The following VRK3 variants were observed in gnomAD, a reference collection of about 807,000 sequenced individuals.
The protein encoded by VRK3 is serine/threonine-protein kinase VRK3.
VRK3 carries 50 observed loss-of-function variants against 60.4 expected under a neutral mutation model. That is an observed-to-expected ratio of 0.83 (90% confidence interval 0.66 to 1.05). VRK3 has a LOEUF of 1.05. Ranked by LOEUF, VRK3 falls within the 50% of genes least tolerant of loss-of-function variation. The pLI is 0.00. For synonymous variants in VRK3, 246 were observed against 227.8 expected (o/e 1.08, Z -0.72); for missense variants, 549 against 585.3 (o/e 0.94, Z 0.64).
At chr19:50,018,861 G>C (rs936457338) in intron 2 of VRK3, among the ~76,000 whole-genome samples, 11 of 151,888 alleles carry the variant, frequency 7.2e-5, no homozygotes, top group Non-Finnish European at 1.3e-4. Flanking sequence ...TATGTACCCA[G>C]GTAAATTAAA....
intron 11 of VRK3, among the ~76,000 whole-genome samples, chr19:49,988,948 C>T (rs562602350): frequency 6.6e-6 from 1 of 152,088 alleles, no homozygotes; most frequent in Non-Finnish European, 1.5e-5. Context: ...TGGGGGAGGG[C>T]GGGGGAGACT....
At chr19:50,014,985 T>G (rs553319304) in intron 3 of VRK3, among the ~76,000 whole-genome samples, 1 of 152,004 alleles carries the variant, frequency 6.6e-6, no homozygotes, top group Non-Finnish European at 1.5e-5. Context: ...CTGCACTGAT[T>G]GTAAAGAGGG....
chr19:49,992,463 C>A (rs1003581242), intron 10 of VRK3, among the ~76,000 whole-genome samples: 15 of 152,236 alleles, frequency 9.9e-5, no homozygotes, highest in African/African-American at 3.4e-4. Flanking sequence ...TATTGCCTTC[C>A]AAAAGGGTTT....
chr19:50,023,981 G>A (rs1437006002), intron 1 of VRK3, among the ~76,000 whole-genome samples: 5 of 152,224 alleles, frequency 3.3e-5, no homozygotes, highest in Non-Finnish European at 7.3e-5. Context: ...TGTCACCCAG[G>A]TTGGAGAGCA....
At chr19:50,016,186 A>G in intron 2 of VRK3, 23 bp from the exon 3 acceptor site, 1 of 1,612,790 alleles carries the variant, frequency 6.2e-7, no homozygotes, top group East Asian at 2.2e-5. Flanking sequence ...ATGAACAAAC[A>G]CAAAGTGAAA....
At chr19:50,001,897 G>C (rs2076813338) in intron 5 of VRK3, among the ~76,000 whole-genome samples, 1 of 152,064 alleles carries the variant, frequency 6.6e-6, no homozygotes, top group Non-Finnish European at 1.5e-5. Flanking sequence ...GCAGGAGTAA[G>C]AGCAGCACCA....
chr19:49,978,085 A>C (rs2076361213), intron 14 of VRK3, among the ~76,000 whole-genome samples: 1 of 152,212 alleles, frequency 6.6e-6, no homozygotes. Flanking sequence ...AGGATCTCAC[A>C]ATCGTGGTGC....
intron 12 of VRK3, 80 bp downstream of exon 12, chr19:49,988,292 C>T (rs1321646157): frequency 1.2e-5 from 19 of 1,542,272 alleles, no homozygotes; most frequent in Non-Finnish European, 1.6e-5. Flanking sequence ...CCTCCTGCTC[C>T]CAGTTGGGCT....
chr19:49,989,313 A>C (rs2076570558), intron 11 of VRK3, among the ~76,000 whole-genome samples: 1 of 152,128 alleles, frequency 6.6e-6, no homozygotes, highest in Non-Finnish European at 1.5e-5. Context: ...CCCACACTCC[A>C]GATGTGGTGG....
At chr19:50,010,523 C>T (rs1011672635) in intron 3 of VRK3, among the ~76,000 whole-genome samples, 6 of 152,248 alleles carry the variant, frequency 3.9e-5, no homozygotes, top group Non-Finnish European at 7.3e-5. Flanking sequence ...CATCTCACCA[C>T]TTTAAGTTAA....
At chr19:49,980,865 A>G (rs1056762629) in intron 13 of VRK3, 90 bp downstream of exon 13, 13 of 1,122,030 alleles carry the variant, frequency 1.2e-5, no homozygotes, top group African/African-American at 1.6e-5. Flanking sequence ...AAAAAAATGA[A>G]GAGGTGTAAG....
intron 2 of VRK3, among the ~76,000 whole-genome samples, chr19:50,017,733 T>C (rs1170883255): frequency 2.0e-5 from 3 of 152,162 alleles, no homozygotes; most frequent in Non-Finnish European, 4.4e-5. Context: ...TGCAGTGGCA[T>C]AATCATGGCT....
At chr19:50,003,923 C>T (rs1025141564) in intron 5 of VRK3, among the ~76,000 whole-genome samples, 8 of 152,202 alleles carry the variant, frequency 5.3e-5, no homozygotes, top group Non-Finnish European at 1.0e-4. Flanking sequence ...ACTGAGCAAC[C>T]GGGCACAGTG....
intron 4 of VRK3, among the ~76,000 whole-genome samples, 171 bp downstream of exon 4, chr19:50,009,065 T>C (rs1439850702): frequency 2.0e-5 from 3 of 151,990 alleles, no homozygotes; most frequent in Non-Finnish European, 4.4e-5. Flanking sequence ...TGGGGCCATA[T>C]AGAGGCAGAC....
At chr19:49,994,328 C>T (rs1043083324) in intron 9 of VRK3, among the ~76,000 whole-genome samples, 10 of 152,192 alleles carry the variant, frequency 6.6e-5, no homozygotes, top group Non-Finnish European at 1.5e-5. Context: ...CTGCTCTGCA[C>T]CCAGCCCCGG....
At chr19:50,018,773 G>A (rs2077116007) in intron 2 of VRK3, among the ~76,000 whole-genome samples, 1 of 151,258 alleles carries the variant, frequency 6.6e-6, no homozygotes, top group Admixed American at 6.6e-5. Flanking sequence ...TTCCCTCTCT[G>A]CCAGGCAAAC....
At position 50,016,041 on chromosome 19, in the gene VRK3, T is replaced by G; in HGVS notation, c.122A>C (p.His41Pro). The G allele has an allele frequency of 1.2e-6, 2 of 1,614,046 alleles. No homozygotes were observed. Among genetic ancestry groups the G allele is most frequent in the Non-Finnish European group, 1.7e-6 (2 of 1,179,994 alleles). ...HVGSQTFVNP[H>P]VSSFQGSKRG... is the part of the protein sequence containing the mutation. ...GTTCTTACCTTGGAAGGATGACACATGTGGATTGACAAAGGTCTGGGACCC... is the reference window on the plus strand; with the variant it reads ...GTTCTTACCTTGGAAGGATGACACAGGTGGATTGACAAAGGTCTGGGACCC... The change falls in exon 3 of 15, where the codon CAT (histidine) becomes CCT (proline). Residue 41 changes from histidine to proline, a missense_variant. Physicochemically the swap from His to Pro is moderately conservative, Grantham distance 77. Transcript: ENST00000316763.
rs529846163 is a variant in VRK3 at position 49,994,570 on chromosome 19, T to C, written c.870+244A>G. ...AAACACCCTCCACCAGGAAGCCTAA[T>C]CTAAGCCTTCAGTTTGAGGCCGGGG... On this transcript the variant is annotated intron_variant, in intron 9 of 14. Coordinates refer to ENST00000316763, the MANE Select transcript of VRK3 (RefSeq NM_016440.4). Among the ~76,000 whole-genome samples the C allele has an allele frequency of 1.2e-4, 19 of 152,312 alleles. No homozygotes were observed. The South Asian group carries it at 3.9e-3, about 32-fold the overall frequency.
intron 5 of VRK3, among the ~76,000 whole-genome samples, chr19:50,002,464 C>T (rs1330998121): frequency 3.9e-5 from 6 of 152,062 alleles, no homozygotes; most frequent in South Asian, 2.1e-4. Flanking sequence ...ACCAAGCATC[C>T]GCCCAGCTCT....
Sources: gnomAD v4.1 joint callset for allele counts (sites outside exome capture counted in the v4.1 genomes callset) on GRCh38, gnomAD v4.1.1 for gene constraint, MANE v1.5 for transcripts, NCBI Gene and HGNC (gene_info 2026-07-23, HGNC 2026-07-21) for gene names.